FLNA: variants seen among roughly 807,000 people sequenced by gnomAD.
FLNA encodes filamin-A.
Under a neutral mutation model 157.6 loss-of-function variants are expected in FLNA, and 7 were observed. The observed-to-expected ratio is 0.04, with a 90% confidence interval of 0.03 to 0.08. FLNA has a LOEUF of 0.08. Ranked by LOEUF, FLNA falls within the 10% of genes least tolerant of loss-of-function variation. FLNA has a pLI of 1.00. For synonymous variants in FLNA, 1,103 were observed against 1,060.8 expected, an observed-to-expected ratio of 1.04 and a Z score of -0.77; for missense variants, 1,750 against 2,398.4, an observed-to-expected ratio of 0.73 and a Z score of 5.65.
At chrX:154,361,100 A>G (rs1274441156) in intron 21 of FLNA, among the ~76,000 whole-genome samples, 4 of 99,061 alleles carry the variant, frequency 4.0e-5, no homozygotes, top group African/African-American at 1.5e-4. Context: ...AAAAAAAAAG[A>G]AATTCTTCAA....
chrX:154,358,063 A>G, intron 28 of FLNA, 136 bp downstream of exon 28: 2 of 735,941 alleles, frequency 2.7e-6, no homozygotes, highest in South Asian at 2.3e-5. Context: ...CAACCTTAGC[A>G]AACCAAAGAC....
intron 9 of FLNA, 108 bp from the exon 10 acceptor site, chrX:154,365,594 TGGAGGG>T (rs2067752132): frequency 2.1e-6 from 2 of 943,412 alleles, no homozygotes; most frequent in African/African-American, 3.9e-5. Flanking sequence ...AGAGCTTGGC[TGGAGGG>T]GGACATGCAA....
Position 154,366,166 on chromosome X carries a change from C to T in FLNA, c.1287G>A (p.Thr429=), listed in dbSNP as rs782263267. Residue 429 remains threonine (T), a synonymous_variant, in exon 9 of 48, where the codon ACG becomes ACA. Transcript: ENST00000369850. The part of the protein sequence containing the change: ...VIQDPMGQKG[T]VEPQLEARGD... ...CCCGGGCCTCCAGCTGAGGCTCTAC[C>T]GTGCCCTTCTGTCCCATGGGGTCCT... is the stretch of plus-strand genomic sequence containing the variant. The T allele has an allele frequency of 1.2e-5, 15 of 1,209,445 alleles. No individual in the cohort carries two copies. The highest frequency in any genetic ancestry group is 1.1e-4 in the South Asian group (6 of 56,909).
At position 154,351,444 on chromosome X, in the gene FLNA, C is replaced by T. The variant is rs1407838440; in HGVS notation, c.7023+137G>A. Reference sequence around the variant, plus strand: ...GCCGACCCCAAGCGTGGGCTGCACCCGGCCAGAGCAGAGGCCTGGAACCCA... The same window carrying T: ...GCCGACCCCAAGCGTGGGCTGCACCTGGCCAGAGCAGAGGCCTGGAACCCA... On this transcript the variant is annotated intron_variant, in intron 43 of 47. Coordinates refer to ENST00000369850, the MANE Select transcript of FLNA (RefSeq NM_001110556.2). The T allele has an allele frequency of 3.4e-5, 16 of 476,296 alleles. No individual in the cohort carries two copies. The African/African-American group carries it at 3.6e-4, about 11-fold the overall frequency. 39.3% of individuals were successfully genotyped at this position (476,296 alleles called of 1,213,427 possible).
chrX:154,367,958 T>C lies in FLNA; in HGVS notation c.506A>G (p.Lys169Arg). 1 of 1,211,206 alleles carries C rather than the reference T, an allele frequency of 8.3e-7. No homozygotes were observed. The highest frequency in any genetic ancestry group is 1.1e-6 in the Non-Finnish European group (1 of 895,299). ...CTGGATCCAGCCCAGGAGCCTCTGC[T>C]TGGGGGTCTGCTTCTTGGCCTCCTC... ...EDEEAKKQTP[K>R]QRLLGWIQNK... is the part of the protein sequence containing the mutation. The change falls in exon 3 of 48, where the codon AAG becomes AGG. Residue 169 changes from lysine (K) to arginine (R), a missense_variant. Physicochemically the swap from Lys to Arg is conservative, Grantham distance 26. Transcript: ENST00000369850.
At chrX:154,365,580 C>T (rs1291893579) in intron 9 of FLNA, 94 bp from the exon 10 acceptor site, 4 of 1,039,290 alleles carry the variant, frequency 3.8e-6, no homozygotes, top group Admixed American at 5.0e-5. Flanking sequence ...TTGGTGGGTC[C>T]CTCAGAGCTT....
chrX:154,367,362 G>C, intron 5 of FLNA, 35 bp downstream of exon 5: 1 of 1,204,048 alleles, frequency 8.3e-7, no homozygotes, highest in Non-Finnish European at 1.1e-6. Flanking sequence ...GGAAGACGTT[G>C]GCACACGGGT....
intron 19 of FLNA, 95 bp downstream of exon 19, chrX:154,361,884 G>C (rs913743246): frequency 1.3e-5 from 14 of 1,109,627 alleles, no homozygotes; most frequent in African/African-American, 9.1e-5. Flanking sequence ...CCCAGGTAAG[G>C]AATGAGAGTG....
chrX:154,350,882 G>C, intron 44 of FLNA, 27 bp downstream of exon 44: 1 of 1,206,047 alleles, frequency 8.3e-7, no homozygotes, highest in Non-Finnish European at 1.1e-6. Flanking sequence ...AGCAGGGCAG[G>C]GCGGCCGGGC....
rs1131691935 is a variant in FLNA at position 154,364,684 on chromosome X, C to T, written c.1864G>A (p.Glu622Lys). The T allele has an allele frequency of 8.3e-7, 1 of 1,210,877 alleles. No individual in the cohort carries two copies. Among genetic ancestry groups the T allele is most frequent in the African/African-American group, 1.7e-5 (1 of 57,700 alleles). Reference sequence around the variant, plus strand: ...GAGCCGTCGCCCTTGTCGTCACATTCGATCTTAGCCTGCGATGGCCCTTCC... The same window carrying T: ...GAGCCGTCGCCCTTGTCGTCACATTTGATCTTAGCCTGCGATGGCCCTTCC... ...SVEGPSQAKI[E>K]CDDKGDGSCD... The change falls in exon 13 of 48, where the codon GAA (glutamate) becomes AAA (lysine). Residue 622 changes from glutamate to lysine, a missense_variant. Physicochemically the swap from Glu to Lys is moderately conservative, Grantham distance 56. This residue lies in a region of FLNA where 648 missense variants were observed against 805.8 expected (regional missense o/e 0.80). Transcript: ENST00000369850.
rs34190826 is a variant in FLNA, at chrX:154,361,195, G to GAAAA, written c.3207+109_3207+112dup. The GAAAA allele has an allele frequency of 8.5e-5, 50 of 585,011 alleles. No individual in the cohort carries two copies. In the African/African-American group the frequency reaches 1.3e-3, roughly 15 times the overall value. The allele number at this position is 585,011 out of a possible 1,213,427, so 48.2% of individuals were successfully genotyped here. Reference sequence around the variant, plus strand: ...GGTCAAGGTTGACAGTCTGTCTCAGGAAAAAAAAAAAAAAAAAAGGATTTA... The same window carrying GAAAA: ...GGTCAAGGTTGACAGTCTGTCTCAGGAAAAAAAAAAAAAAAAAAAAAAGGATTTA... On this transcript the variant is annotated intron_variant, in intron 21 of 47. Transcript: ENST00000369850.
At position 154,362,755 on chromosome X, in the gene FLNA, G is replaced by A. The variant is rs202109957; in HGVS notation, c.2310C>T (p.Asn770=). 15 of 1,202,041 alleles carry A rather than the reference G, an allele frequency of 1.2e-5. No individual in the cohort carries two copies. Among genetic ancestry groups the A allele is most frequent in the East Asian group, 1.2e-4 (4 of 33,444 alleles). The change falls in exon 16 of 48, where the codon AAC becomes AAT. Residue 770 remains asparagine, a synonymous_variant. Transcript: ENST00000369850. ...CTCCGGGGCCGTATACTTTGACCTT[G>A]TTGGGGTGGCTGCCAGCTCCCACAT... ...RVNVGAGSHP[N]KVKVYGPGVA...
At position 154,366,914 on chromosome X, in the gene FLNA, C is replaced by A. The variant is rs782028606; in HGVS notation, c.869-64G>T. On this transcript the variant is annotated intron_variant, in intron 5 of 47. Transcript: ENST00000369850. ...AAGGCCACAGCCTCACCCCTCCACC[C>A]TTCAGCCCTCCCTGCTGGCCCCTAA... The A allele has an allele frequency of 1.0e-5, 9 of 889,466 alleles. No individual in the cohort carries two copies. The South Asian group carries it at 1.8e-4, about 18-fold the overall frequency. 73.3% of individuals were successfully genotyped at this position (889,466 alleles called of 1,213,427 possible). A position where few individuals can be genotyped will look rare whatever the true frequency, so the allele number is the denominator to read the frequency against.
rs782605171 is a variant in FLNA at position 154,364,245 on chromosome X, C to T, written c.2136+14G>A. The stretch of plus-strand genomic sequence containing the variant: ...CCACACCTGCCCTGCCCCCAACACC[C>T]GTGGGTGCTCTACCTGGACTTGGAC... On this transcript the variant is annotated intron_variant, in intron 14 of 47. Coordinates refer to ENST00000369850, the MANE Select transcript of FLNA (RefSeq NM_001110556.2). 1.5e-5 allele frequency: 18 copies of T among 1,206,258 alleles called. No homozygotes were observed. The highest frequency in any genetic ancestry group is 8.9e-5 in the East Asian group (3 of 33,749).
At chrX:154,350,319 T>C (rs1603358663) in intron 44 of FLNA, 112 bp from the exon 45 acceptor site, 7 of 727,980 alleles carry the variant, frequency 9.6e-6, no homozygotes, top group Non-Finnish European at 1.5e-5. Context: ...GGTCCATCAG[T>C]GTGAGCCCAG....
intron 21 of FLNA, 26 bp downstream of exon 21, chrX:154,361,282 C>G: frequency 8.3e-7 from 1 of 1,206,907 alleles, no homozygotes; most frequent in Non-Finnish European, 1.1e-6. Context: ...GGGTTCTACC[C>G]TTAGGGCCTC....
chrX:154,364,234 C>T (rs2067737510), intron 14 of FLNA, 25 bp downstream of exon 14: 4 of 1,205,608 alleles, frequency 3.3e-6, no homozygotes, highest in Admixed American at 4.4e-5. Flanking sequence ...ACCTGCCCTG[C>T]CCCCAACACC....
chrX:154,366,884 C>T lies in FLNA; in HGVS notation c.869-34G>A, dbSNP rs781893414. 13 of 1,084,732 alleles carry T rather than the reference C, an allele frequency of 1.2e-5. No homozygotes were observed. In the Admixed American group the frequency reaches 2.8e-4, roughly 24 times the overall value. The allele number at this position is 1,084,732 out of a possible 1,213,427, so 89.4% of individuals were successfully genotyped here. The stretch of plus-strand genomic sequence containing the variant: ...GGAAGGCGAGCCAACCACGGGCCAG[C>T]TGTTAAGGCCACAGCCTCACCCCTC... On this transcript the variant is annotated intron_variant, in intron 5 of 47. Coordinates refer to ENST00000369850, the MANE Select transcript of FLNA (RefSeq NM_001110556.2).
intron 21 of FLNA, 80 bp downstream of exon 21, chrX:154,361,228 T>G (rs782089012): frequency 4.3e-6 from 4 of 923,635 alleles, no homozygotes; most frequent in Non-Finnish European, 6.1e-6. Context: ...TTAGGGCAGG[T>G]CTGGAGAAGA....
Sources: gnomAD v4.1 joint callset for allele counts (sites outside exome capture counted in the v4.1 genomes callset) on GRCh38, gnomAD v4.1.1 for gene constraint, gnomAD v4.1.1 regional missense constraint, MANE v1.5 for transcripts, NCBI Gene and HGNC (gene_info 2026-07-23, HGNC 2026-07-21) for gene names.